The following LINGO2 variants were observed in gnomAD, a reference collection of about 807,000 sequenced individuals.
LINGO2 encodes the protein leucine rich repeat and Ig domain containing 2.
LINGO2 carries 14 observed loss-of-function variants against 30.6 expected under a neutral mutation model. That is an observed-to-expected ratio of 0.46 (90% CI 0.30 to 0.72). The LOEUF (loss-of-function observed/expected upper bound fraction) is 0.72. Among genes scored for constraint, LINGO2 ranks in the 30% least tolerant of loss-of-function variants. LINGO2 has a pLI of 0.07. For missense variants in LINGO2, 729 were observed against 751.7 expected, an observed-to-expected ratio of 0.97 and a Z score of 0.35; for synonymous variants, 317 against 288.5, an observed-to-expected ratio of 1.10 and a Z score of -1.00.
intron 4 of LINGO2, among the ~76,000 whole-genome samples, chr9:28,123,308 A>G (rs1053470057): frequency 1.3e-5 from 2 of 152,254 alleles, no homozygotes; most frequent in Non-Finnish European, 2.9e-5. Flanking sequence ...AACCTTAAAA[A>G]TAGAGCATAT....
the LINGO2 span, among the ~76,000 whole-genome samples, chr9:29,047,736 C>A: frequency 6.6e-6 from 1 of 152,144 alleles, no homozygotes; most frequent in Non-Finnish European, 1.5e-5. Flanking sequence ...AAAGACTCCA[C>A]AAGAAAACTA....
chr9:28,239,148 A>G (rs558587679), intron 4 of LINGO2, among the ~76,000 whole-genome samples: 23 of 152,248 alleles, frequency 1.5e-4, no homozygotes, highest in African/African-American at 5.3e-4. Context: ...TCTGTAATAA[A>G]AAGTCTCCTA....
the LINGO2 span, among the ~76,000 whole-genome samples, chr9:29,165,969 T>C: frequency 2.0e-5 from 3 of 152,050 alleles, no homozygotes; most frequent in African/African-American, 7.2e-5. Flanking sequence ...ATAAATAAAA[T>C]TGTGTATACT....
At chr9:28,176,252 C>T (rs931651945) in intron 4 of LINGO2, among the ~76,000 whole-genome samples, 5 of 152,184 alleles carry the variant, frequency 3.3e-5, no homozygotes, top group African/African-American at 7.2e-5. Context: ...ATGTTTCTTA[C>T]GTAGAATCTT....
In LINGO2 at chr9:28,007,983, C is replaced by T. The variant is rs150852402; in HGVS notation, c.-36+4372G>A. 2.0e-3 allele frequency among the ~76,000 whole-genome samples: 311 copies of T among 152,270 alleles called. 2 individuals are homozygous for T. Among genetic ancestry groups the T allele is most frequent in the Middle Eastern group, 0.014 (4 of 294 alleles). On this transcript the variant is annotated intron_variant, in intron 5 of 5. Coordinates refer to ENST00000379992, the Ensembl canonical transcript of LINGO2. Reference sequence around the variant, plus strand: ...ACAACATTCATGTGGCATCTTCCGCCGAGCTTAGATGGTGAAGATGACCAG... The same window carrying T: ...ACAACATTCATGTGGCATCTTCCGCTGAGCTTAGATGGTGAAGATGACCAG...
the LINGO2 span, among the ~76,000 whole-genome samples, chr9:28,954,022 C>T: frequency 3.9e-5 from 6 of 151,900 alleles, no homozygotes; most frequent in East Asian, 1.9e-4. Flanking sequence ...TAATCTTATC[C>T]GAATAATTTT....
At chr9:28,230,774 C>G (rs1821328179) in intron 4 of LINGO2, among the ~76,000 whole-genome samples, 2 of 151,846 alleles carry the variant, frequency 1.3e-5, no homozygotes, top group Admixed American at 1.3e-4. Flanking sequence ...TTATTTCTGT[C>G]TTCTTGCATG....
At chr9:28,414,949 AATAAAC>A (rs1433027922) in intron 2 of LINGO2, among the ~76,000 whole-genome samples, 1 of 152,150 alleles carries the variant, frequency 6.6e-6, no homozygotes, top group Non-Finnish European at 1.5e-5. Context: ...GGGTTATTTA[AATAAAC>A]ATATAGTATA....
At chr9:28,030,399 T>C (rs994806921) in intron 4 of LINGO2, among the ~76,000 whole-genome samples, 1 of 152,216 alleles carries the variant, frequency 6.6e-6, no homozygotes, top group African/African-American at 2.4e-5. Flanking sequence ...CTAAGACTCA[T>C]TGGTATTTAT....
At chr9:28,200,364 A>G (rs1820185014) in intron 4 of LINGO2, among the ~76,000 whole-genome samples, 1 of 152,154 alleles carries the variant, frequency 6.6e-6, no homozygotes, top group East Asian at 1.9e-4. Flanking sequence ...AAGCCTCCAA[A>G]TTTGGAAGAA....
At chr9:27,973,253 G>T (rs904909413) in intron 5 of LINGO2, among the ~76,000 whole-genome samples, 2 of 152,094 alleles carry the variant, frequency 1.3e-5, no homozygotes, top group African/African-American at 4.8e-5. Flanking sequence ...TGTCATTGTT[G>T]GCTTAAAGCA....
the LINGO2 span, among the ~76,000 whole-genome samples, chr9:28,987,071 G>C: frequency 4.2e-5 from 5 of 118,718 alleles, no homozygotes; most frequent in African/African-American, 1.7e-4. Context: ...AGTTCTAACA[G>C]GTTTTTTTTT....
chr9:28,053,114 G>T (rs10968307), intron 4 of LINGO2, among the ~76,000 whole-genome samples: 35 of 151,846 alleles, frequency 2.3e-4, no homozygotes, highest in Non-Finnish European at 2.8e-4. Flanking sequence ...GGAACCATAA[G>T]GTATAATGAG....
At chr9:28,552,670 C>A (rs1483914852) in intron 1 of LINGO2, among the ~76,000 whole-genome samples, 2 of 148,816 alleles carry the variant, frequency 1.3e-5, no homozygotes, top group African/African-American at 4.9e-5. Flanking sequence ...AATTCCTATG[C>A]TATATTTTCT....
intron 1 of LINGO2, among the ~76,000 whole-genome samples, chr9:28,561,953 C>T (rs901228962): frequency 9.9e-5 from 15 of 151,374 alleles, no homozygotes; most frequent in Admixed American, 5.3e-4. Context: ...AATTTGTACT[C>T]GCTGAACTTC....
the LINGO2 span, among the ~76,000 whole-genome samples, chr9:28,747,887 C>A: frequency 6.6e-6 from 1 of 152,014 alleles, no homozygotes; most frequent in East Asian, 1.9e-4. Context: ...TTAACCAGAA[C>A]CTATAAACAC....
chr9:28,743,491 T>C, the LINGO2 span, among the ~76,000 whole-genome samples: 99 of 152,118 alleles, frequency 6.5e-4, 4 homozygotes, highest in East Asian at 0.019. Context: ...GCTTCATCCA[T>C]GTCCCTGCAA....
intron 1 of LINGO2, among the ~76,000 whole-genome samples, chr9:28,620,598 G>A (rs1291552768): frequency 6.6e-6 from 1 of 151,998 alleles, no homozygotes; most frequent in East Asian, 1.9e-4. Context: ...TTTGCTAGAT[G>A]GGCTATTATT....
At chr9:28,046,556 G>C (rs920081280) in intron 4 of LINGO2, among the ~76,000 whole-genome samples, 1 of 152,260 alleles carries the variant, frequency 6.6e-6, no homozygotes, top group African/African-American at 2.4e-5. Context: ...ACTTCAGAAG[G>C]TGAAACACTA....
Sources: allele counts gnomAD v4.1 joint callset (sites outside exome capture counted in the v4.1 genomes callset), GRCh38; gene constraint gnomAD v4.1.1; transcripts MANE v1.5; gene names NCBI Gene and HGNC (gene_info 2026-07-23, HGNC 2026-07-21).